The following WDR27 variants were observed in gnomAD, a reference collection of about 807,000 sequenced individuals.
The protein encoded by WDR27 is WD repeat domain 27.
In WDR27, 100 loss-of-function variants were observed where a neutral mutation model predicts 114.4. The observed-to-expected ratio is 0.87, with a 90% CI of 0.74 to 1.03. WDR27 has a LOEUF of 1.03. WDR27 is among the 50% of genes least tolerant of loss of function. The pLI, the probability that WDR27 is intolerant of heterozygous loss-of-function variation, is 0.00. For synonymous variants in WDR27, 449 were observed against 423.1 expected, an observed-to-expected ratio of 1.06 and a Z score of -0.75; for missense variants, 1,129 against 1,092.9, an observed-to-expected ratio of 1.03 and a Z score of -0.47.
At chr6:169,461,076 A>C (rs1290956818) in intron 25 of WDR27, among the ~76,000 whole-genome samples, 4 of 152,186 alleles carry the variant, frequency 2.6e-5, no homozygotes, top group African/African-American at 9.6e-5. Flanking sequence ...AAGAAATATA[A>C]ATATTATAAA....
chr6:169,629,623 AATATG>A (rs1815778815), intron 21 of WDR27, among the ~76,000 whole-genome samples: 1 of 152,164 alleles, frequency 6.6e-6, no homozygotes, highest in Non-Finnish European at 1.5e-5. Flanking sequence ...CATGGTAAGC[AATATG>A]TTTTAAATGT....
Position 169,643,772 on chromosome 6 carries a change from G to C in WDR27, c.1672C>G (p.Leu558Val). The change falls in exon 17 of 26, where the codon CTG becomes GTG. Residue 558 changes from leucine to valine, a missense_variant. Coordinates refer to ENST00000448612, the MANE Select transcript of WDR27 (RefSeq NM_182552.5). Reference protein sequence around the residue: ...CIQYSGDGQWLACGLANHLLL... With the variant: ...CIQYSGDGQWVACGLANHLLL... Reference sequence around the variant, plus strand: ...AGATGGTTGGCCAACCCACAGGCCAGCCACTGCCCATCTCCTGTTAAAAGA... The same window carrying C: ...AGATGGTTGGCCAACCCACAGGCCACCCACTGCCCATCTCCTGTTAAAAGA... 6.2e-7 allele frequency: 1 copy of C among 1,613,114 alleles called. No individual in the cohort carries two copies. Among genetic ancestry groups the C allele is most frequent in the Non-Finnish European group, 8.5e-7 (1 of 1,179,472 alleles).
chr6:169,614,205 T>C (rs572971360), intron 21 of WDR27, among the ~76,000 whole-genome samples: 1 of 152,270 alleles, frequency 6.6e-6, no homozygotes, highest in Non-Finnish European at 1.5e-5. Context: ...CTCAGCTCCA[T>C]CTACAGAACC....
chr6:169,442,941 C>G, the WDR27 span, among the ~76,000 whole-genome samples: 1 of 152,220 alleles, frequency 6.6e-6, no homozygotes, highest in Non-Finnish European at 1.5e-5. Context: ...CCAAAAAACT[C>G]TAATAACTGA....
At chr6:169,479,637 A>G (rs1287593190) in intron 25 of WDR27, among the ~76,000 whole-genome samples, 1 of 152,228 alleles carries the variant, frequency 6.6e-6, no homozygotes, top group East Asian at 1.9e-4. Context: ...ATTTTGAACC[A>G]TGTATCTAAA....
chr6:169,624,071 T>C (rs1336230456), intron 21 of WDR27, among the ~76,000 whole-genome samples: 1 of 151,756 alleles, frequency 6.6e-6, no homozygotes, highest in Non-Finnish European at 1.5e-5. Context: ...GTGTGTGGGG[T>C]CAGGTGTGCC....
chr6:169,669,086 A>G (rs1554367541), intron 4 of WDR27, among the ~76,000 whole-genome samples: 1 of 152,248 alleles, frequency 6.6e-6, no homozygotes, highest in Non-Finnish European at 1.5e-5. Flanking sequence ...TATGATATGA[A>G]TAACATCATA....
At chr6:169,690,295 T>C (rs965374034) in intron 1 of WDR27, among the ~76,000 whole-genome samples, 7 of 152,246 alleles carry the variant, frequency 4.6e-5, no homozygotes, top group Non-Finnish European at 4.4e-5. Context: ...TCCACCCGTG[T>C]GCTCCTCATG....
At chr6:169,562,208 G>A (rs73790006) in intron 25 of WDR27, among the ~76,000 whole-genome samples, 2,490 of 152,238 alleles carry the variant, frequency 0.016, 66 homozygotes, top group African/African-American at 0.057. Context: ...CACGTTTCTC[G>A]GGTACTGCGC....
rs1478054850 is a variant in WDR27, at chr6:169,584,703, T to C, written c.2425-1769A>G. On this transcript the variant is annotated intron_variant, in intron 23 of 25. Transcript: ENST00000448612. ...TAGCTTTTTGGCCATTTTTATATTG[T>C]CTTTGGAGAAATGTCTATCCAGGTC... Among the ~76,000 whole-genome samples the C allele has an allele frequency of 3.3e-5, 5 of 152,342 alleles. No individual in the cohort carries two copies. In the East Asian group the frequency reaches 9.6e-4, roughly 29 times the overall value.
At chr6:169,461,847 GA>G (rs1784945123) in intron 25 of WDR27, among the ~76,000 whole-genome samples, 1 of 151,780 alleles carries the variant, frequency 6.6e-6, no homozygotes, top group Non-Finnish European at 1.5e-5. Flanking sequence ...AAAGAAAAAC[GA>G]AATTAAGAAA....
At chr6:169,641,663 G>A (rs1055074301) in intron 17 of WDR27, among the ~76,000 whole-genome samples, 1 of 152,234 alleles carries the variant, frequency 6.6e-6, no homozygotes, top group Non-Finnish European at 1.5e-5. Context: ...AAGCCACTCG[G>A]CGCAGCTCGA....
chr6:169,670,466 A>G, intron 4 of WDR27, 103 bp downstream of exon 4: 1 of 1,318,232 alleles, frequency 7.6e-7, no homozygotes, highest in Non-Finnish European at 1.0e-6. Context: ...TTAAAAAAAA[A>G]GGAGTACAGG....
chr6:169,550,280 C>T (rs1037327926), intron 25 of WDR27, among the ~76,000 whole-genome samples: 33 of 152,274 alleles, frequency 2.2e-4, no homozygotes, highest in Admixed American at 5.9e-4. Context: ...CATCTAGCAT[C>T]AACAAGAAGG....
At chr6:169,622,542 T>C (rs1352545920) in intron 21 of WDR27, among the ~76,000 whole-genome samples, 1 of 152,106 alleles carries the variant, frequency 6.6e-6, no homozygotes, top group Non-Finnish European at 1.5e-5. Context: ...TGAATGTTTA[T>C]AGAAAAAAAC....
chr6:169,553,186 T>C (rs1798434046), intron 25 of WDR27, among the ~76,000 whole-genome samples: 1 of 151,744 alleles, frequency 6.6e-6, no homozygotes, highest in Non-Finnish European at 1.5e-5. Context: ...CTGCGGGTGC[T>C]CAGGGAATGT....
the WDR27 span, among the ~76,000 whole-genome samples, chr6:169,428,586 G>A: frequency 2.6e-5 from 4 of 151,096 alleles, no homozygotes; most frequent in Non-Finnish European, 4.4e-5. Flanking sequence ...TGCTCTGTGG[G>A]GGTGGGACGG....
At chr6:169,540,535 T>A (rs954254994) in intron 25 of WDR27, among the ~76,000 whole-genome samples, 2 of 151,648 alleles carry the variant, frequency 1.3e-5, no homozygotes, top group Non-Finnish European at 2.9e-5. Flanking sequence ...GTTCAAGCAA[T>A]TCTCCTGCCT....
chr6:169,433,304 T>C, the WDR27 span, among the ~76,000 whole-genome samples: 2 of 152,148 alleles, frequency 1.3e-5, no homozygotes, highest in South Asian at 2.1e-4. Context: ...TGTGTTCTCA[T>C]TGTCCAACTC....
Sources: allele counts gnomAD v4.1 joint callset (sites outside exome capture counted in the v4.1 genomes callset), GRCh38; gene constraint gnomAD v4.1.1; transcripts MANE v1.5; gene names NCBI Gene and HGNC (gene_info 2026-07-23, HGNC 2026-07-21).